The following COG4 variants were observed in gnomAD, a reference collection of about 807,000 sequenced individuals.
COG4 encodes the protein component of oligomeric golgi complex 4.
Under a neutral mutation model 95.1 loss-of-function variants are expected in COG4, and 65 were observed. The ratio of observed to expected loss-of-function variants is 0.68; its 90% CI spans 0.56 to 0.84. The LOEUF (loss-of-function observed/expected upper bound fraction) is 0.84. Ranked by LOEUF, COG4 falls within the 40% of genes least tolerant of loss-of-function variation. The pLI is 0.00. For missense variants in COG4, 1,045 were observed against 989.1 expected, an observed-to-expected ratio of 1.06 and a Z score of -0.76; for synonymous variants, 421 against 374.8, an observed-to-expected ratio of 1.12 and a Z score of -1.42.
At chr16:70,496,745 A>T (rs886688199) in intron 11 of COG4, among the ~76,000 whole-genome samples, 1 of 152,226 alleles carries the variant, frequency 6.6e-6, no homozygotes, top group Non-Finnish European at 1.5e-5. Flanking sequence ...GTAGGAGTTG[A>T]GAACAGGTTT....
intron 11 of COG4, 115 bp from the exon 12 acceptor site, chr16:70,496,546 A>T: frequency 9.5e-7 from 1 of 1,050,420 alleles, no homozygotes; most frequent in South Asian, 1.3e-5. Context: ...TAGGGGGAAT[A>T]ACCAGTCCTT....
At chr16:70,507,668 C>T (rs2049606750) in intron 8 of COG4, among the ~76,000 whole-genome samples, 1 of 151,862 alleles carries the variant, frequency 6.6e-6, no homozygotes, top group Non-Finnish European at 1.5e-5. Flanking sequence ...CGAGACTAAC[C>T]TGGCCATCAT....
At chr16:70,496,665 TTCATGAGGCTTTTAGCCA>T (rs1416403893) in intron 11 of COG4, among the ~76,000 whole-genome samples, 2 of 152,182 alleles carry the variant, frequency 1.3e-5, no homozygotes, top group Non-Finnish European at 2.9e-5. Flanking sequence ...ATCTCTACTG[TTCATGAGGCTTTTAGCCA>T]TCACCACTGC....
intron 7 of COG4, chr16:70,509,022 G>T: frequency 1.6e-6 from 1 of 634,846 alleles, no homozygotes; most frequent in Non-Finnish European, 2.8e-6. Flanking sequence ...TTTCCGTTTT[G>T]GTCTTGAACT....
In COG4 at chr16:70,494,743, T is replaced by TA. The variant is rs142938353; in HGVS notation, c.1647+1522dup. ...AGCACAGAAATGAAAGTAAGTTCTG[T>TA]AAAAAAAATCACAAACAAAATAAAA... is the stretch of plus-strand genomic sequence containing the variant. On this transcript the variant is annotated intron_variant, in intron 12 of 18. Transcript: ENST00000323786. Among the ~76,000 whole-genome samples the TA allele has an allele frequency of 5.3e-3, 811 of 152,174 alleles. 5 individuals are homozygous for TA. The highest frequency in any genetic ancestry group is 0.018 in the African/African-American group (765 of 41,530).
In COG4 at chr16:70,518,064, G is replaced by T. The variant is rs55667445; in HGVS notation, c.255-324C>A. 0.12 allele frequency among the ~76,000 whole-genome samples: 18,182 copies of T among 151,958 alleles called. 3,605 individuals are homozygous for T. Among genetic ancestry groups the T allele is most frequent in the African/African-American group, 0.41 (17,037 of 41,314 alleles). On this transcript the variant is annotated intron_variant, in intron 2 of 18. Transcript: ENST00000323786. The stretch of plus-strand genomic sequence containing the variant: ...TCCTGCCTCAGCCTCCTGAGTAGCT[G>T]GGACTACAGGCGCGTGCCACCAAGC...
chr16:70,503,681 G>A lies in COG4; in HGVS notation c.1062-2590C>T, dbSNP rs899324541. ...GCTATCCCGGCTCACTGCAAGCTCC[G>A]CCTCTTGGGTTCATGCCATTCTCCT... is the stretch of plus-strand genomic sequence containing the variant. On this transcript the variant is annotated intron_variant, in intron 8 of 18. Transcript: ENST00000323786. Among the ~76,000 whole-genome samples, 8 of 121,358 alleles carry A rather than the reference G, an allele frequency of 6.6e-5. 2 individuals carry two copies. The highest frequency in any genetic ancestry group is 4.1e-4 in the African/African-American group (6 of 14,464). The allele number at this position is 121,358 out of a possible 152,430, so 79.6% of individuals were successfully genotyped here.
chr16:70,489,850 C>T (rs1361247418), intron 13 of COG4, among the ~76,000 whole-genome samples: 1 of 152,142 alleles, frequency 6.6e-6, no homozygotes, highest in Non-Finnish European at 1.5e-5. Flanking sequence ...ATAGAGTCTG[C>T]TCTGTCGCCC....
At chr16:70,496,148 T>C (rs2049334379) in intron 12 of COG4, 118 bp downstream of exon 12, 2 of 1,047,270 alleles carry the variant, frequency 1.9e-6, no homozygotes, top group African/African-American at 3.1e-5. Flanking sequence ...GAATTTTCCT[T>C]CTATATAGAC....
chr16:70,482,744 G>T lies in COG4; in HGVS notation c.1905C>A (p.Ser635=), dbSNP rs1339870361. ...CCAGGCTAACCTCCTCGATGTTGTGGGAGACGGAGAAAAAGCTGTTGATCC... is the reference window on the plus strand; with the variant it reads ...CCAGGCTAACCTCCTCGATGTTGTGTGAGACGGAGAAAAAGCTGTTGATCC... The part of the protein sequence containing the change: ...QPWINSFFSV[S]HNIEEEEFND... Residue 635 remains serine (S), a synonymous_variant, in exon 15 of 19, where the codon TCC becomes TCA. Coordinates refer to ENST00000323786, the MANE Select transcript of COG4 (RefSeq NM_015386.3). The T allele has an allele frequency of 6.2e-7, 1 of 1,613,794 alleles. No homozygotes were observed. Among genetic ancestry groups the T allele is most frequent in the Admixed American group, 1.7e-5 (1 of 59,990 alleles).
chr16:70,486,156 A>G (rs2049130945), intron 13 of COG4, among the ~76,000 whole-genome samples: 1 of 152,076 alleles, frequency 6.6e-6, no homozygotes, highest in Non-Finnish European at 1.5e-5. Flanking sequence ...TGGCCTCCCA[A>G]AGTGCTAGGA....
Position 70,514,371 on chromosome 16 carries a change from T to C in COG4, c.508A>G (p.Lys170Glu). 6.2e-7 allele frequency: 1 copy of C among 1,614,194 alleles called. No homozygotes were observed. Among genetic ancestry groups the C allele is most frequent in the Non-Finnish European group, 8.5e-7 (1 of 1,180,028 alleles). ...AHTHRYLCLDKSVIELSRQGK... is the reference protein window; with the variant it reads ...AHTHRYLCLDESVIELSRQGK... ...TGTCGGCTGAGCTCAATGACCGACT[T>C]GTCCAGGCACAAGTAGCGATGAGTA... The change falls in exon 4 of 19, where the codon AAG (lysine) becomes GAG (glutamate). Residue 170 changes from lysine (K) to glutamate (E), a missense_variant. By Grantham distance (56) the Lys-to-Glu change is moderately conservative. Transcript: ENST00000323786.
chr16:70,506,344 A>G (rs1333896624), intron 8 of COG4, among the ~76,000 whole-genome samples: 1 of 151,838 alleles, frequency 6.6e-6, no homozygotes, highest in Non-Finnish European at 1.5e-5. Flanking sequence ...CGGAGCTTGC[A>G]GGGAGCCGAG....
intron 11 of COG4, 117 bp from the exon 12 acceptor site, chr16:70,496,548 C>A: frequency 1.9e-6 from 2 of 1,032,418 alleles, no homozygotes; most frequent in Non-Finnish European, 1.5e-6. Context: ...GGGGGAATAA[C>A]CAGTCCTTAA....
chr16:70,517,398 G>C (rs978174974), intron 3 of COG4, among the ~76,000 whole-genome samples: 1 of 151,484 alleles, frequency 6.6e-6, no homozygotes, highest in Non-Finnish European at 1.5e-5. Context: ...GACCAGCCCG[G>C]GGAACATGGC....
At chr16:70,496,100 G>A (rs2049334039) in intron 12 of COG4, among the ~76,000 whole-genome samples, 166 bp downstream of exon 12, 1 of 152,214 alleles carries the variant, frequency 6.6e-6, no homozygotes, top group African/African-American at 2.4e-5. Flanking sequence ...GTAAGAAATA[G>A]TTTCAGAACC....
chr16:70,515,947 G>A (rs976129579), intron 3 of COG4: 3 of 454,808 alleles, frequency 6.6e-6, no homozygotes, highest in African/African-American at 6.0e-5. Context: ...AGGATTGCAG[G>A]CATGAGCCAC....
intron 5 of COG4, among the ~76,000 whole-genome samples, 197 bp from the exon 6 acceptor site, chr16:70,510,218 G>C (rs182608848): frequency 6.6e-6 from 1 of 152,234 alleles, no homozygotes; most frequent in Non-Finnish European, 1.5e-5. Flanking sequence ...AGTGAGCATG[G>C]TGTAGCTCCT....
rs1326603417 is a variant in COG4 at position 70,497,298 on chromosome 16, C to A, written c.1404G>T (p.Arg468=). 1 of 1,613,986 alleles carries A rather than the reference C, an allele frequency of 6.2e-7. No homozygotes were observed. Among genetic ancestry groups the A allele is most frequent in the African/African-American group, 1.3e-5 (1 of 74,892 alleles). Reference sequence around the variant, plus strand: ...AGTCAATGCTGGAGCTGGACAGAGCCCGCCCAATGCACTTCTTAACAATGT... The same window carrying A: ...AGTCAATGCTGGAGCTGGACAGAGCACGCCCAATGCACTTCTTAACAATGT... ...VFYIVKKCIG[R]ALSSSSIDCL... Residue 468 remains arginine (R), a synonymous_variant, in exon 11 of 19, where the codon CGG becomes CGT. Transcript: ENST00000323786.
Sources: gnomAD v4.1 joint callset for allele counts (sites outside exome capture counted in the v4.1 genomes callset) on GRCh38, gnomAD v4.1.1 for gene constraint, MANE v1.5 for transcripts, NCBI Gene and HGNC (gene_info 2026-07-23, HGNC 2026-07-21) for gene names.